The following GAP43 variants were observed in gnomAD, a reference collection of about 807,000 sequenced individuals.
GAP43 encodes the protein neuromodulin.
In GAP43, 6 loss-of-function variants were observed where a neutral mutation model predicts 18.6. That is an observed-to-expected ratio of 0.32 (90% CI 0.18 to 0.64). GAP43 has a LOEUF of 0.64. Among genes scored for constraint, GAP43 ranks in the 30% least tolerant of loss-of-function variants. GAP43 has a pLI of 0.78. For missense variants in GAP43, 292 were observed against 295.5 expected (o/e 0.99, Z 0.09); for synonymous variants, 115 against 111.4 (o/e 1.03, Z -0.20).
At chr3:115,655,260 G>C (rs550024177) in intron 1 of GAP43, among the ~76,000 whole-genome samples, 120 of 152,220 alleles carry the variant, frequency 7.9e-4, no homozygotes, top group Middle Eastern at 3.4e-3. Context: ...CAGGGATCAG[G>C]GTTCCTGAAA....
At chr3:115,623,806 C>G in intron 1 of GAP43, 87 bp downstream of exon 1, 1 of 1,391,162 alleles carries the variant, frequency 7.2e-7, no homozygotes, top group East Asian at 2.3e-5. Flanking sequence ...TTTTTTACTG[C>G]TTCTGCTCTG....
chr3:115,689,946 G>A (rs1276371242), intron 2 of GAP43, among the ~76,000 whole-genome samples: 3 of 152,186 alleles, frequency 2.0e-5, no homozygotes, highest in Non-Finnish European at 4.4e-5. Flanking sequence ...CTGGAGGGGC[G>A]CTGAAGAGCA....
chr3:115,636,735 C>CAAGG (rs1393086849), intron 1 of GAP43, among the ~76,000 whole-genome samples: 1 of 152,046 alleles, frequency 6.6e-6, no homozygotes, highest in Non-Finnish European at 1.5e-5. Flanking sequence ...GGTTGTGTTT[C>CAAGG]AAGGCTCCTT....
chr3:115,674,666 T>C (rs1708858323), intron 1 of GAP43, among the ~76,000 whole-genome samples: 1 of 152,218 alleles, frequency 6.6e-6, no homozygotes, highest in Admixed American at 6.5e-5. Context: ...CCATCATTTT[T>C]TAAAATTCAG....
At chr3:115,699,508 C>T (rs1312995444) in intron 2 of GAP43, among the ~76,000 whole-genome samples, 1 of 152,148 alleles carries the variant, frequency 6.6e-6, no homozygotes, top group Non-Finnish European at 1.5e-5. Context: ...AATTGAGCTG[C>T]AAATCTAGCT....
At chr3:115,630,739 G>A (rs1020243089) in intron 1 of GAP43, among the ~76,000 whole-genome samples, 1 of 152,238 alleles carries the variant, frequency 6.6e-6, no homozygotes, top group East Asian at 1.9e-4. Context: ...TTCTCCTCCT[G>A]TCAGACCCAG....
chr3:115,698,287 A>ATATTATAT (rs1709247656), intron 2 of GAP43, among the ~76,000 whole-genome samples: 1 of 37,858 alleles, frequency 2.6e-5, no homozygotes, highest in Non-Finnish European at 5.0e-5. Flanking sequence ...ATATAAATAT[A>ATATTATAT]ATATATATAT....
chr3:115,677,062 T>C (rs1400327624), intron 2 of GAP43, among the ~76,000 whole-genome samples: 2 of 152,162 alleles, frequency 1.3e-5, no homozygotes, highest in African/African-American at 4.8e-5. Flanking sequence ...TTGATCCAGA[T>C]TATATAGTGT....
At chr3:115,702,920 A>G (rs1709313647) in intron 2 of GAP43, among the ~76,000 whole-genome samples, 1 of 152,252 alleles carries the variant, frequency 6.6e-6, no homozygotes, top group East Asian at 1.9e-4. Context: ...CCTGAGAAAG[A>G]GTTGACGCAA....
chr3:115,682,913 G>A (rs1708974358), intron 2 of GAP43, among the ~76,000 whole-genome samples: 1 of 152,144 alleles, frequency 6.6e-6, no homozygotes, highest in South Asian at 2.1e-4. Context: ...GACTCATATT[G>A]TTGAGGCCAT....
At chr3:115,627,263 T>C (rs527374977) in intron 1 of GAP43, among the ~76,000 whole-genome samples, 2 of 151,468 alleles carry the variant, frequency 1.3e-5, no homozygotes, top group African/African-American at 4.8e-5. Flanking sequence ...GCATACACAA[T>C]GAGCCCTGAT....
At position 115,661,831 on chromosome 3, in the gene GAP43, C is replaced by CTTTTTTTTT. The variant is rs56209932; in HGVS notation, c.31-14176_31-14168dup. Among the ~76,000 whole-genome samples, 46 of 105,946 alleles carry CTTTTTTTTT rather than the reference C, an allele frequency of 4.3e-4. 8 individuals carry two copies. The highest frequency in any genetic ancestry group is 7.1e-4 in the Admixed American group (6 of 8,484). The allele number at this position is 105,946 out of a possible 152,430, so 69.5% of individuals were successfully genotyped here. On this transcript the variant is annotated intron_variant, in intron 1 of 2. Transcript: ENST00000305124. ...AGTTTGGCTTGGGGAGAAACTAGGG[C>CTTTTTTTTT]TTTTTTTTTTTTTTACCTGGGAGCT...
chr3:115,673,842 T>G (rs1708844164), intron 1 of GAP43, among the ~76,000 whole-genome samples: 1 of 152,182 alleles, frequency 6.6e-6, no homozygotes, highest in Non-Finnish European at 1.5e-5. Flanking sequence ...CCTTTAATCT[T>G]TGTGTGTATA....
intron 1 of GAP43, among the ~76,000 whole-genome samples, chr3:115,648,734 G>A (rs1708489965): frequency 6.6e-6 from 1 of 152,052 alleles, no homozygotes; most frequent in African/African-American, 2.4e-5. Flanking sequence ...AGAGCTAAGA[G>A]AAGGGCTTAC....
intron 2 of GAP43, among the ~76,000 whole-genome samples, chr3:115,698,730 A>G (rs975131557): frequency 2.6e-5 from 4 of 152,126 alleles, no homozygotes; most frequent in Admixed American, 2.6e-4. Flanking sequence ...GACCAGGGTG[A>G]CAGCAAGCAA....
intron 2 of GAP43, among the ~76,000 whole-genome samples, chr3:115,693,547 T>C (rs907703063): frequency 4.6e-5 from 7 of 152,318 alleles, no homozygotes; most frequent in South Asian, 2.1e-4. Context: ...TATTCATTGC[T>C]GATTTTCTTG....
Position 115,720,859 on chromosome 3 carries a change from G to A in GAP43, c.694G>A (p.Glu232Lys). 1 of 1,612,684 alleles carries A rather than the reference G, an allele frequency of 6.2e-7. No homozygotes were observed. The highest frequency in any genetic ancestry group is 8.5e-7 in the Non-Finnish European group (1 of 1,179,092). Residue 232 changes from glutamate to lysine, a missense_variant, in exon 3 of 3, where the codon GAG (glutamate) becomes AAG (lysine). Glu to Lys is a moderately conservative substitution (Grantham distance 56). Transcript: ENST00000305124. ...GGACGAGGGTAAAGAAGAGGAACCTGAGGCTGACCAAGAACATGCCTGAAC... is the reference window on the plus strand; with the variant it reads ...GGACGAGGGTAAAGAAGAGGAACCTAAGGCTGACCAAGAACATGCCTGAAC... ...RQDEGKEEEP[E>K]ADQEHA
chr3:115,640,548 T>G (rs1708382977), intron 1 of GAP43, among the ~76,000 whole-genome samples: 1 of 152,104 alleles, frequency 6.6e-6, no homozygotes, highest in Admixed American at 6.6e-5. Context: ...GGAAAACCAT[T>G]TCTACCTCAA....
chr3:115,685,759 C>T (rs562408751), intron 2 of GAP43, among the ~76,000 whole-genome samples: 1 of 152,306 alleles, frequency 6.6e-6, no homozygotes, highest in African/African-American at 2.4e-5. Flanking sequence ...CAGTGTTCTC[C>T]CCATTGGTGT....
Sources: allele counts gnomAD v4.1 joint callset (sites outside exome capture counted in the v4.1 genomes callset), GRCh38; gene constraint gnomAD v4.1.1; transcripts MANE v1.5; gene names NCBI Gene and HGNC (gene_info 2026-07-23, HGNC 2026-07-21).